The following ILRUN variants were observed in gnomAD, a reference collection of about 807,000 sequenced individuals.
ILRUN encodes the protein inflammation and lipid regulator with UBA-like and NBR1-like domains, also known as protein ILRUN.
ILRUN carries 3 observed loss-of-function variants against 33.8 expected under a neutral mutation model. That is an observed-to-expected ratio of 0.09 (90% confidence interval 0.04 to 0.23). The LOEUF is 0.23. Among genes scored for constraint, ILRUN ranks in the 10% least tolerant of loss-of-function variants. The probability of loss-of-function intolerance (pLI) is 1.00; values close to 1 mark genes in which losing one functional copy is unlikely to be tolerated. For missense variants in ILRUN, 210 were observed against 375.1 expected (o/e 0.56, Z 3.64); for synonymous variants, 124 against 138.9 (o/e 0.89, Z 0.75).
At chr6:34,676,675 C>A (rs1451744550) in intron 1 of ILRUN, among the ~76,000 whole-genome samples, 1 of 151,862 alleles carries the variant, frequency 6.6e-6, no homozygotes, top group Non-Finnish European at 1.5e-5. Flanking sequence ...GCTAAACATA[C>A]TTTCTTTGAA....
At chr6:34,658,347 C>CAAA (rs35618991) in intron 1 of ILRUN, among the ~76,000 whole-genome samples, 9 of 105,246 alleles carry the variant, frequency 8.6e-5, no homozygotes, top group African/African-American at 1.9e-4. Flanking sequence ...GACTCTGTCT[C>CAAA]AAAAAAAAAA....
At position 34,643,322 on chromosome 6, in the gene ILRUN, T is replaced by C. The variant is rs562918979; in HGVS notation, c.511+3279A>G. ...CTCAAAAAAAAAAAAAAAGTGCGTG[T>C]GTGTGTGTGTGTTAGTTTTAAGAAA... On this transcript the variant is annotated intron_variant, in intron 3 of 4. Transcript: ENST00000374023. Among the ~76,000 whole-genome samples the C allele has an allele frequency of 2.0e-5, 3 of 149,136 alleles. No individual in the cohort carries two copies. The East Asian group carries it at 5.9e-4, about 29-fold the overall frequency.
intron 1 of ILRUN, among the ~76,000 whole-genome samples, chr6:34,688,468 T>C (rs191848249): frequency 8.1e-4 from 119 of 146,332 alleles, no homozygotes; most frequent in South Asian, 4.3e-3. Flanking sequence ...GAAAACATAA[T>C]GCTAAATGAA....
In ILRUN at chr6:34,589,768, T is replaced by A. The variant is rs1761261118; in HGVS notation, c.*797A>T. 6.6e-6 allele frequency: 1 copy of A among 152,168 alleles called. No homozygotes were observed. Among genetic ancestry groups the A allele is most frequent in the South Asian group, 2.1e-4 (1 of 4,830 alleles). 9.4% of individuals were successfully genotyped at this position (152,168 alleles called of 1,614,324 possible). On this transcript the variant is annotated 3_prime_UTR_variant, in exon 5 of 5. Coordinates refer to ENST00000374023, the MANE Select transcript of ILRUN (RefSeq NM_024294.4). ...AGCAATTTTAATTGTTACAAGGGTG[T>A]GCAGAAGGACACCTCTCAGGCTTAG... is the stretch of plus-strand genomic sequence containing the variant.
intron 1 of ILRUN, among the ~76,000 whole-genome samples, chr6:34,683,505 T>TACAC (rs1763447328): frequency 2.0e-5 from 2 of 101,564 alleles, no homozygotes; most frequent in African/African-American, 5.8e-5. Flanking sequence ...TATACATATA[T>TACAC]ATATATATAC....
chr6:34,673,767 C>T (rs950511430), intron 1 of ILRUN, among the ~76,000 whole-genome samples: 1 of 151,886 alleles, frequency 6.6e-6, no homozygotes, highest in African/African-American at 2.4e-5. Flanking sequence ...GTCAAGGCTG[C>T]AGTGAGCTGT....
intron 3 of ILRUN, among the ~76,000 whole-genome samples, chr6:34,644,295 TA>T (rs886365599): frequency 2.6e-5 from 4 of 152,324 alleles, no homozygotes; most frequent in African/African-American, 4.8e-5. Context: ...GCATGTATTT[TA>T]AAAATTTACT....
intron 4 of ILRUN, among the ~76,000 whole-genome samples, chr6:34,601,709 C>A (rs79139175): frequency 0.013 from 1,949 of 151,866 alleles, 22 homozygotes; most frequent in African/African-American, 0.031. Context: ...GTACCCGCCC[C>A]CCCAACTACT....
intron 3 of ILRUN, among the ~76,000 whole-genome samples, chr6:34,642,318 C>T (rs566027333): frequency 6.6e-6 from 1 of 152,298 alleles, no homozygotes; most frequent in South Asian, 2.1e-4. Flanking sequence ...GCCAACACCA[C>T]AGCTGAATCT....
At chr6:34,668,932 C>G (rs1763057509) in intron 1 of ILRUN, among the ~76,000 whole-genome samples, 1 of 151,724 alleles carries the variant, frequency 6.6e-6, no homozygotes, top group Non-Finnish European at 1.5e-5. Flanking sequence ...CAACCTCCGC[C>G]TCCCAAGTTC....
At chr6:34,676,385 C>A (rs1336606412) in intron 1 of ILRUN, among the ~76,000 whole-genome samples, 4 of 143,256 alleles carry the variant, frequency 2.8e-5, no homozygotes, top group African/African-American at 1.1e-4. Context: ...GGCAACAGAG[C>A]AAGACCCTTT....
At chr6:34,666,546 A>G (rs970790302) in intron 1 of ILRUN, among the ~76,000 whole-genome samples, 1 of 152,158 alleles carries the variant, frequency 6.6e-6, no homozygotes, top group African/African-American at 2.4e-5. Context: ...CCTGGGCAAC[A>G]AGAGCGAAAC....
chr6:34,677,575 A>G (rs916581166), intron 1 of ILRUN, among the ~76,000 whole-genome samples: 2 of 152,116 alleles, frequency 1.3e-5, no homozygotes, highest in East Asian at 3.8e-4. Context: ...ACACACTGAC[A>G]AGTTATTAGC....
chr6:34,628,115 G>A (rs7738377), intron 3 of ILRUN, among the ~76,000 whole-genome samples: 27,195 of 151,850 alleles, frequency 0.18, 3,035 homozygotes, highest in African/African-American at 0.31. Flanking sequence ...CCACCTGCCG[G>A]GTTCAAACGA....
chr6:34,676,343 G>A (rs1763228813), intron 1 of ILRUN, among the ~76,000 whole-genome samples: 1 of 151,434 alleles, frequency 6.6e-6, no homozygotes, highest in Non-Finnish European at 1.5e-5. Flanking sequence ...AGGCTGCAGT[G>A]AGCCATGATT....
intron 4 of ILRUN, among the ~76,000 whole-genome samples, chr6:34,599,984 G>A (rs995026525): frequency 1.3e-5 from 2 of 152,130 alleles, no homozygotes; most frequent in Non-Finnish European, 2.9e-5. Context: ...ATCCGGACAT[G>A]GACCACTTCT....
At chr6:34,643,977 C>G (rs1358806142) in intron 3 of ILRUN, among the ~76,000 whole-genome samples, 2 of 152,230 alleles carry the variant, frequency 1.3e-5, no homozygotes, top group Non-Finnish European at 2.9e-5. Context: ...GCTGGTATTA[C>G]AGGCTTGAAC....
intron 4 of ILRUN, among the ~76,000 whole-genome samples, chr6:34,605,576 C>A (rs1761612491): frequency 1.3e-5 from 2 of 152,106 alleles, no homozygotes; most frequent in Non-Finnish European, 1.5e-5. Context: ...TTGCAGTCAG[C>A]CGAGATTGTG....
intron 1 of ILRUN, among the ~76,000 whole-genome samples, chr6:34,678,423 T>C (rs1763284998): frequency 6.6e-6 from 1 of 152,196 alleles, no homozygotes; most frequent in East Asian, 1.9e-4. Context: ...GTAAATTGCA[T>C]GTCACTGGGG....
Sources: allele counts gnomAD v4.1 joint callset (sites outside exome capture counted in the v4.1 genomes callset), GRCh38; gene constraint gnomAD v4.1.1; transcripts MANE v1.5; gene names NCBI Gene and HGNC (gene_info 2026-07-23, HGNC 2026-07-21).